ITSN1: variants seen among roughly 807,000 people sequenced by gnomAD.
ITSN1 encodes intersectin 1.
In ITSN1, 58 loss-of-function variants were observed where a neutral mutation model predicts 239.8. The observed-to-expected ratio is 0.24, with a 90% CI of 0.20 to 0.30. The LOEUF (loss-of-function observed/expected upper bound fraction) is 0.30, where lower values mean the gene tolerates loss of function less well. Among genes scored for constraint, ITSN1 ranks in the 10% least tolerant of loss-of-function variants. ITSN1 has a pLI of 1.00. For missense variants in ITSN1, 1,558 were observed against 2,103.3 expected (o/e 0.74, Z 5.07); for synonymous variants, 780 against 770.8 (o/e 1.01, Z -0.20).
At chr21:33,860,171 G>T (rs1481146643) in intron 31 of ITSN1, among the ~76,000 whole-genome samples, 1 of 152,072 alleles carries the variant, frequency 6.6e-6, no homozygotes, top group Non-Finnish European at 1.5e-5. Flanking sequence ...GCCGGGTGTG[G>T]TTGTGGGTGC....
chr21:33,857,507 A>G (rs966806260), intron 30 of ITSN1, among the ~76,000 whole-genome samples: 1 of 152,200 alleles, frequency 6.6e-6, no homozygotes, highest in African/African-American at 2.4e-5. Context: ...ATTGGGAGAC[A>G]GGGATTTGCA....
At chr21:33,680,733 A>T (rs1391031097) in intron 1 of ITSN1, among the ~76,000 whole-genome samples, 2 of 152,216 alleles carry the variant, frequency 1.3e-5, no homozygotes, top group African/African-American at 4.8e-5. Context: ...AAAACACAGC[A>T]AAGCAATCAG....
At chr21:33,860,144 C>T (rs1306000432) in intron 31 of ITSN1, among the ~76,000 whole-genome samples, 1 of 151,466 alleles carries the variant, frequency 6.6e-6, no homozygotes, top group African/African-American at 2.4e-5. Context: ...CCATCTGTAC[C>T]AAAAATACAA....
At position 33,770,343 on chromosome 21, in the gene ITSN1, G is replaced by A. The variant is rs567285378; in HGVS notation, c.1043-1718G>A. On this transcript the variant is annotated intron_variant, in intron 11 of 39. Transcript: ENST00000381318. ...CTCCCAAAGTGCTGGGATTACAGGC[G>A]TGAGCCACCGTGCCTGGCCAGCTAA... 9.2e-5 allele frequency among the ~76,000 whole-genome samples: 14 copies of A among 152,274 alleles called. 1 individual carries two copies. The South Asian group carries it at 2.7e-3, about 29-fold the overall frequency.
In ITSN1 at chr21:33,897,604, C is replaced by T. The variant is rs1986857481; in HGVS notation, c.*9304C>T. ...CTGTATGTTTATGGAATGGCCATGA[C>T]TAAATGTATATATGGTATGTAAGAG... On this transcript the variant is annotated 3_prime_UTR_variant, in exon 40 of 40. Coordinates refer to ENST00000381318, the MANE Select transcript of ITSN1 (RefSeq NM_003024.3). 1 of 152,132 alleles carries T rather than the reference C, an allele frequency of 6.6e-6. No individual in the cohort carries two copies. The highest frequency in any genetic ancestry group is 2.4e-5 in the African/African-American group (1 of 41,410). 9.4% of individuals were successfully genotyped at this position (152,132 alleles called of 1,614,324 possible).
Position 33,681,732 on chromosome 21 carries a change from G to A in ITSN1, c.-32-37065G>A, listed in dbSNP as rs367975117. Among the ~76,000 whole-genome samples, 113 of 151,480 alleles carry A rather than the reference G, an allele frequency of 7.5e-4. 2 individuals are homozygous for A. The South Asian group carries it at 0.012, about 16-fold the overall frequency. On this transcript the variant is annotated intron_variant, in intron 1 of 39. Coordinates refer to ENST00000381318, the MANE Select transcript of ITSN1 (RefSeq NM_003024.3). Reference sequence around the variant, plus strand: ...GTCGCCCAGGCTGGAGTGCAGTGGCGAGATCTGGGTTCATTGCAAGCTCCG... The same window carrying A: ...GTCGCCCAGGCTGGAGTGCAGTGGCAAGATCTGGGTTCATTGCAAGCTCCG...
intron 27 of ITSN1, among the ~76,000 whole-genome samples, chr21:33,832,328 C>T (rs1384555021): frequency 6.6e-6 from 1 of 152,220 alleles, no homozygotes; most frequent in Non-Finnish European, 1.5e-5. Context: ...CCCGTGCCGG[C>T]ACCACTCTTT....
At chr21:33,642,911 T>C (rs1245114266) in intron 1 of ITSN1, among the ~76,000 whole-genome samples, 198 bp downstream of exon 1, 1 of 151,030 alleles carries the variant, frequency 6.6e-6, no homozygotes, top group Non-Finnish European at 1.5e-5. Flanking sequence ...CTTCCCGTCC[T>C]CGGGGGTGGC....
intron 5 of ITSN1, among the ~76,000 whole-genome samples, chr21:33,749,535 A>G (rs1030210859): frequency 2.0e-5 from 3 of 151,948 alleles, no homozygotes; most frequent in African/African-American, 4.8e-5. Context: ...CCAGCTATTC[A>G]GGAGACTGAG....
intron 28 of ITSN1, 48 bp downstream of exon 28, chr21:33,834,472 G>T: frequency 7.9e-7 from 1 of 1,272,890 alleles, no homozygotes; most frequent in South Asian, 1.3e-5. Flanking sequence ...CATGCCACTT[G>T]AGTTTTTCCA....
chr21:33,875,977 G>A (rs904539418), intron 34 of ITSN1, among the ~76,000 whole-genome samples: 1 of 152,202 alleles, frequency 6.6e-6, no homozygotes, highest in African/African-American at 2.4e-5. Flanking sequence ...ACCGCGCCTG[G>A]CCATCCACTG....
intron 5 of ITSN1, among the ~76,000 whole-genome samples, chr21:33,740,201 C>T (rs1427724434): frequency 2.0e-5 from 3 of 151,910 alleles, no homozygotes; most frequent in African/African-American, 7.3e-5. Context: ...AGTAGATTTC[C>T]GAGTTGGGAT....
chr21:33,701,973 CAGG>C, intron 1 of ITSN1, among the ~76,000 whole-genome samples: 1 of 151,614 alleles, frequency 6.6e-6, no homozygotes, highest in East Asian at 2.0e-4. Context: ...GAGGCTGAGG[CAGG>C]AGAAGTGCTT....
chr21:33,757,486 A>G (rs1186792791), intron 8 of ITSN1, among the ~76,000 whole-genome samples: 2 of 152,242 alleles, frequency 1.3e-5, no homozygotes, highest in African/African-American at 4.8e-5. Context: ...TTGTATAGTC[A>G]TGTCAAGTAG....
intron 1 of ITSN1, among the ~76,000 whole-genome samples, chr21:33,698,231 C>T (rs2091879056): frequency 6.6e-6 from 1 of 152,138 alleles, no homozygotes; most frequent in Non-Finnish European, 1.5e-5. Context: ...AGGGACAAAT[C>T]GTCCGAAATG....
At position 33,833,570 on chromosome 21, in the gene ITSN1, A is replaced by G. The variant is rs947555400; in HGVS notation, c.3352-737A>G. On this transcript the variant is annotated intron_variant, in intron 27 of 39. Transcript: ENST00000381318. ...ATAAATGCACAGGGCCTGGCTCATAAAAAGTACTCAGTGAGGGCCGGGCGC... is the reference window on the plus strand; with the variant it reads ...ATAAATGCACAGGGCCTGGCTCATAGAAAGTACTCAGTGAGGGCCGGGCGC... 9.0e-4 allele frequency among the ~76,000 whole-genome samples: 137 copies of G among 152,334 alleles called. 2 individuals carry two copies. The highest frequency in any genetic ancestry group is 2.1e-4 in the Non-Finnish European group (14 of 68,024).
intron 4 of ITSN1, among the ~76,000 whole-genome samples, chr21:33,723,959 G>A (rs950404321): frequency 6.6e-6 from 1 of 152,120 alleles, no homozygotes; most frequent in African/African-American, 2.4e-5. Flanking sequence ...ATTAATAAAG[G>A]TTGATACAGC....
chr21:33,802,373 G>T lies in ITSN1; in HGVS notation c.2305-57G>T, dbSNP rs866238765. 6 of 1,554,178 alleles carry T rather than the reference G, an allele frequency of 3.9e-6. No individual in the cohort carries two copies. In the Middle Eastern group the frequency reaches 5.1e-4, roughly 131 times the overall value. On this transcript the variant is annotated intron_variant, in intron 19 of 39. Transcript: ENST00000381318. ...AGTTTAGATATGCTGTAAGAATAAA[G>T]CATGTCATTAAACATATATTTTGCC...
chr21:33,681,658 T>G (rs1601607543), intron 1 of ITSN1, among the ~76,000 whole-genome samples: 1 of 137,254 alleles, frequency 7.3e-6, no homozygotes, highest in Admixed American at 7.3e-5. Context: ...TTTATTTTAT[T>G]TTTTGTTTTG....
Sources: allele counts gnomAD v4.1 joint callset (sites outside exome capture counted in the v4.1 genomes callset), GRCh38; gene constraint gnomAD v4.1.1; transcripts MANE v1.5; gene names NCBI Gene and HGNC (gene_info 2026-07-23, HGNC 2026-07-21).